Variants in UTRN observed in about 807,000 individuals in gnomAD.
The protein encoded by UTRN is utrophin, also known as dystrophin-related protein 1.
Under a neutral mutation model 463.9 loss-of-function variants are expected in UTRN, and 283 were observed. The observed-to-expected ratio is 0.61, with a 90% CI of 0.55 to 0.67. The LOEUF (loss-of-function observed/expected upper bound fraction) is 0.67. Ranked by LOEUF, UTRN falls within the 30% of genes least tolerant of loss-of-function variation. The pLI is 0.00. For missense variants in UTRN, 3,922 were observed against 4,084.3 expected, an observed-to-expected ratio of 0.96 and a Z score of 1.08; for synonymous variants, 1,442 against 1,431.5, an observed-to-expected ratio of 1.01 and a Z score of -0.17.
intron 39 of UTRN, among the ~76,000 whole-genome samples, chr6:144,517,420 A>G (rs895003179): frequency 6.7e-6 from 1 of 149,988 alleles, no homozygotes; most frequent in Admixed American, 6.6e-5. Flanking sequence ...CTGATCTTGA[A>G]CTCCTAGGCT....
chr6:144,776,759 T>C (rs1775361396), intron 60 of UTRN, among the ~76,000 whole-genome samples: 1 of 152,212 alleles, frequency 6.6e-6, no homozygotes, highest in Non-Finnish European at 1.5e-5. Flanking sequence ...GCTCTTTGTA[T>C]AGGTTGATGC....
At chr6:144,410,191 C>G (rs1466038125) in intron 3 of UTRN, among the ~76,000 whole-genome samples, 1 of 152,120 alleles carries the variant, frequency 6.6e-6, no homozygotes, top group Non-Finnish European at 1.5e-5. Flanking sequence ...ATATATTGAA[C>G]AAAGGAACTT....
intron 2 of UTRN, among the ~76,000 whole-genome samples, chr6:144,342,120 A>C (rs1186897550): frequency 6.6e-6 from 1 of 152,220 alleles, no homozygotes; most frequent in Admixed American, 6.5e-5. Context: ...GGAAATGCAA[A>C]TCAAACCACA....
In UTRN at chr6:144,409,403, T is replaced by C. The variant is rs141489456; in HGVS notation, c.141+6219T>C. 5.9e-3 allele frequency among the ~76,000 whole-genome samples: 906 copies of C among 152,342 alleles called. 9 individuals carry two copies. Among genetic ancestry groups the C allele is most frequent in the African/African-American group, 0.02 (834 of 41,592 alleles). On this transcript the variant is annotated intron_variant, in intron 3 of 74. Transcript: ENST00000367545. ...GAAGCAAATTTGGTAGTCTTTGTAA[T>C]TGACGATCAGTTTAGAAATTGATCA...
chr6:144,315,141 C>A (rs916729438), intron 2 of UTRN, among the ~76,000 whole-genome samples: 1 of 152,098 alleles, frequency 6.6e-6, no homozygotes, highest in Non-Finnish European at 1.5e-5. Context: ...CATAAGCCAG[C>A]CTGCAGAATC....
intron 2 of UTRN, among the ~76,000 whole-genome samples, chr6:144,335,369 C>A (rs767488681): frequency 6.6e-6 from 1 of 152,200 alleles, no homozygotes; most frequent in Admixed American, 6.5e-5. Context: ...ATCTGCCACC[C>A]GCTCCTTTGC....
At chr6:144,800,499 A>T (rs576227248) in intron 64 of UTRN, among the ~76,000 whole-genome samples, 1 of 152,296 alleles carries the variant, frequency 6.6e-6, no homozygotes, top group South Asian at 2.1e-4. Context: ...TTATGGGAGG[A>T]TATTCAGGAG....
chr6:144,517,978 A>G (rs1331753693), intron 39 of UTRN, among the ~76,000 whole-genome samples: 2 of 152,220 alleles, frequency 1.3e-5, no homozygotes, highest in Admixed American at 1.3e-4. Flanking sequence ...CTTGTTCCTC[A>G]CATATCTTCT....
At chr6:144,305,852 T>G (rs1194775619) in intron 2 of UTRN, among the ~76,000 whole-genome samples, 2 of 152,258 alleles carry the variant, frequency 1.3e-5, no homozygotes, top group Non-Finnish European at 2.9e-5. Context: ...AGCCCTCAGC[T>G]GCTGGGGGAA....
At chr6:144,850,620 G>A (rs928930771) in intron 74 of UTRN, among the ~76,000 whole-genome samples, 6 of 152,072 alleles carry the variant, frequency 3.9e-5, no homozygotes, top group African/African-American at 1.4e-4. Flanking sequence ...GGTTGGCATT[G>A]TTAGGGTACC....
chr6:144,803,580 T>G (rs1362036116), intron 65 of UTRN, among the ~76,000 whole-genome samples: 1 of 152,048 alleles, frequency 6.6e-6, no homozygotes, highest in Non-Finnish European at 1.5e-5. Flanking sequence ...GTTTTAAGAT[T>G]CTATTTATAT....
rs901280457 is a variant in UTRN, at chr6:144,493,041, T to G, written c.4438-260T>G. Among the ~76,000 whole-genome samples the G allele has an allele frequency of 3.3e-5, 5 of 152,252 alleles. 1 individual carries two copies. Among genetic ancestry groups the G allele is most frequent in the Admixed American group, 1.3e-4 (2 of 15,282 alleles). On this transcript the variant is annotated intron_variant, in intron 32 of 74. Coordinates refer to ENST00000367545, the MANE Select transcript of UTRN (RefSeq NM_007124.3). ...GAAAAATATTTATATTATCAAGTAC[T>G]TTCATAAGCATTTGTCTGAGATTTT...
intron 65 of UTRN, among the ~76,000 whole-genome samples, chr6:144,815,755 G>C (rs756139512): frequency 6.6e-6 from 1 of 152,196 alleles, no homozygotes; most frequent in Non-Finnish European, 1.5e-5. Context: ...GGGTTTGAGG[G>C]TGTATCTGCC....
At position 144,772,074 on chromosome 6, in the gene UTRN, C is replaced by T. The variant is rs1794124981; in HGVS notation, c.8557+106C>T. The T allele has an allele frequency of 5.4e-6, 4 of 734,638 alleles. No homozygotes were observed. In the South Asian group the frequency reaches 1.1e-4, roughly 20 times the overall value. The allele number at this position is 734,638 out of a possible 1,614,324, so 45.5% of individuals were successfully genotyped here. ...TTTTTAAGGTGGATTCTCGCTGTTGCCCAGGCTGGAGTGCAGTGGCATGAT... is the reference window on the plus strand; with the variant it reads ...TTTTTAAGGTGGATTCTCGCTGTTGTCCAGGCTGGAGTGCAGTGGCATGAT... On this transcript the variant is annotated intron_variant, in intron 59 of 74. Coordinates refer to ENST00000367545, the MANE Select transcript of UTRN (RefSeq NM_007124.3).
At chr6:144,315,862 G>C (rs1424645152) in intron 2 of UTRN, among the ~76,000 whole-genome samples, 1 of 152,174 alleles carries the variant, frequency 6.6e-6, no homozygotes, top group Non-Finnish European at 1.5e-5. Context: ...GGCAGAATAG[G>C]TATTACCATG....
intron 51 of UTRN, among the ~76,000 whole-genome samples, chr6:144,640,447 G>A (rs148972437): frequency 2.0e-5 from 3 of 152,136 alleles, no homozygotes; most frequent in South Asian, 2.1e-4. Context: ...TCTATTTTAC[G>A]TCTTCCTAAA....
intron 58 of UTRN, among the ~76,000 whole-genome samples, chr6:144,762,078 GC>G (rs1437404239): frequency 2.0e-5 from 3 of 152,044 alleles, no homozygotes; most frequent in Non-Finnish European, 4.4e-5. Context: ...TCTCTCATTA[GC>G]CAAGTGAAGT....
chr6:144,637,609 A>T (rs1174377309), intron 51 of UTRN, among the ~76,000 whole-genome samples: 2 of 151,842 alleles, frequency 1.3e-5, no homozygotes, highest in East Asian at 3.9e-4. Flanking sequence ...ATGTATTTTT[A>T]TACAAGCACT....
chr6:144,619,472 T>G (rs1775120942), intron 51 of UTRN, among the ~76,000 whole-genome samples: 1 of 152,210 alleles, frequency 6.6e-6, no homozygotes. Context: ...TACAACCTCT[T>G]AAACCAGAAT....
Sources: allele counts gnomAD v4.1 joint callset (sites outside exome capture counted in the v4.1 genomes callset), GRCh38; gene constraint gnomAD v4.1.1; transcripts MANE v1.5; gene names NCBI Gene and HGNC (gene_info 2026-07-23, HGNC 2026-07-21).